SPATA7: variants seen among roughly 807,000 people sequenced by gnomAD.
SPATA7 encodes spermatogenesis-associated protein 7.
Under a neutral mutation model 51.8 loss-of-function variants are expected in SPATA7, and 43 were observed. The observed-to-expected ratio is 0.83, with a 90% CI of 0.65 to 1.07. SPATA7 has a LOEUF of 1.07. SPATA7 is among the 50% of genes least tolerant of loss of function. The pLI, the probability that SPATA7 is intolerant of heterozygous loss-of-function variation, is 0.00. For synonymous variants in SPATA7, 230 were observed against 252.8 expected (o/e 0.91, Z 0.86); for missense variants, 683 against 701.3 (o/e 0.97, Z 0.30).
intron 3 of SPATA7, among the ~76,000 whole-genome samples, chr14:88,394,810 T>C (rs1182576601): frequency 6.6e-6 from 1 of 152,180 alleles, no homozygotes. Context: ...ACAGTCCTTT[T>C]TTAACCATTC....
intron 4 of SPATA7, among the ~76,000 whole-genome samples, chr14:88,461,872 C>T (rs987521173): frequency 7.2e-5 from 11 of 152,164 alleles, no homozygotes; most frequent in African/African-American, 2.2e-4. Context: ...GTTTTTCTTA[C>T]ATTTTTTCCT....
intron 5 of SPATA7, among the ~76,000 whole-genome samples, chr14:88,423,357 G>A (rs1461332382): frequency 3.1e-5 from 4 of 128,578 alleles, no homozygotes; most frequent in Non-Finnish European, 6.2e-5. Context: ...GGACAACATG[G>A]CAAAACCCCA....
chr14:88,433,213 G>A lies in SPATA7; in HGVS notation c.1160+1G>A, dbSNP rs2076986530. On this transcript the variant is annotated splice_donor_variant, in intron 10 of 11. Coordinates refer to ENST00000393545, the MANE Select transcript of SPATA7 (RefSeq NM_018418.5). LOFTEE classifies it high-confidence loss of function. Reference sequence around the variant, plus strand: ...TGAAACTTGGTTTATTTTCAAACAGGTTAGTTTTTTTAATGGTGTTATGTT... The same window carrying A: ...TGAAACTTGGTTTATTTTCAAACAGATTAGTTTTTTTAATGGTGTTATGTT... 6.3e-7 allele frequency: 1 copy of A among 1,599,292 alleles called. No homozygotes were observed. The highest frequency in any genetic ancestry group is 1.3e-5 in the African/African-American group (1 of 74,722).
chr14:88,400,743 G>A (rs1390154858), intron 4 of SPATA7, among the ~76,000 whole-genome samples: 1 of 152,148 alleles, frequency 6.6e-6, no homozygotes, highest in East Asian at 1.9e-4. Context: ...GCTGAGGCAG[G>A]AGAATCACTT....
intron 10 of SPATA7, among the ~76,000 whole-genome samples, chr14:88,434,021 C>T (rs2077008813): frequency 6.6e-6 from 1 of 152,008 alleles, no homozygotes; most frequent in Admixed American, 6.6e-5. Flanking sequence ...TTTCAGGATA[C>T]ATAATGAAAA....
rs757184807 is a variant in SPATA7, at chr14:88,438,349, A to G, written c.1727A>G (p.Asn576Ser). The G allele has an allele frequency of 1.2e-5, 19 of 1,614,086 alleles. No individual in the cohort carries two copies. Among genetic ancestry groups the G allele is most frequent in the Non-Finnish European group, 1.6e-5 (19 of 1,179,976 alleles). Residue 576 changes from asparagine to serine, a missense_variant, in exon 12 of 12, where the codon AAT becomes AGT. Asn to Ser is a conservative substitution (Grantham distance 46). Transcript: ENST00000393545. ...SVQFSSVKGD[N>S]NHDMELSTLK... ...CAGTTCTCCAGTGTCAAAGGCGACA[A>G]TAATCATGACATGGAGTTATCAACT...
chr14:88,448,601 C>T (rs1403791264), intron 3 of SPATA7, among the ~76,000 whole-genome samples: 1 of 152,082 alleles, frequency 6.6e-6, no homozygotes, highest in African/African-American at 2.4e-5. Context: ...CTGTTTTTTC[C>T]CCATCTTTGT....
chr14:88,433,515 C>T (rs1042916875), intron 10 of SPATA7, among the ~76,000 whole-genome samples: 2 of 151,992 alleles, frequency 1.3e-5, no homozygotes, highest in African/African-American at 4.8e-5. Flanking sequence ...TTGCAAAGCT[C>T]CATAATCCCA....
At chr14:88,458,740 T>TA (rs1359511094), downstream of SPATA7, among the ~76,000 whole-genome samples, 1 of 152,192 alleles carries the variant, frequency 6.6e-6, no homozygotes, top group Non-Finnish European at 1.5e-5. Flanking sequence ...GCTCTGATCT[T>TA]AGTTATTTCT....
chr14:88,457,730 C>A (rs1313707596), downstream of SPATA7, among the ~76,000 whole-genome samples: 1 of 152,150 alleles, frequency 6.6e-6, no homozygotes, highest in Non-Finnish European at 1.5e-5. Flanking sequence ...CTTTCTCCTG[C>A]CTAATTGCCC....
In SPATA7 at chr14:88,469,861, T is replaced by G; in HGVS notation, c.270T>G (p.Asp90Glu). The G allele has an allele frequency of 6.2e-7, 1 of 1,610,230 alleles. No individual in the cohort carries two copies. The highest frequency in any genetic ancestry group is 8.5e-7 in the Non-Finnish European group (1 of 1,176,720). Reference sequence around the variant, plus strand: ...TTTCTCCACAGGTCAGGATTCCAGATGATTAACATTAACTGTTCTTCAGAG... The same window carrying G: ...TTTCTCCACAGGTCAGGATTCCAGAGGATTAACATTAACTGTTCTTCAGAG... Residue 90 changes from aspartate (D) to glutamate (E), a missense_variant, in exon 5 of 5, where the codon GAT becomes GAG. Coordinates refer to the SPATA7 transcript ENST00000556406. The surrounding 1 kb of genome is among the most constrained non-coding windows in gnomAD (Gnocchi z 4.3).
chr14:88,385,916 T>G, intron 1 of SPATA7, 79 bp downstream of exon 1: 1 of 1,501,930 alleles, frequency 6.7e-7, no homozygotes, highest in Middle Eastern at 1.9e-4. Context: ...TCCGGGCAGC[T>G]GAGTGCAAGG....
downstream of SPATA7, among the ~76,000 whole-genome samples, chr14:88,439,940 C>T (rs925992387): frequency 2.0e-5 from 3 of 152,160 alleles, 1 homozygote; most frequent in African/African-American, 7.2e-5. Flanking sequence ...TAAGCAACAC[C>T]GTCTATCCCC....
At chr14:88,460,114 C>T (rs757758318), downstream of SPATA7, among the ~76,000 whole-genome samples, 66 of 152,210 alleles carry the variant, frequency 4.3e-4, no homozygotes, top group Non-Finnish European at 7.6e-4. Flanking sequence ...GTGGGTAACC[C>T]GACCTTTCTC....
At chr14:88,396,327 G>T in intron 4 of SPATA7, 124 bp downstream of exon 4, 1 of 693,866 alleles carries the variant, frequency 1.4e-6, no homozygotes. Context: ...TTAATATTGT[G>T]GTACAATGAT....
In SPATA7 at chr14:88,416,135, T is replaced by G. The variant is rs1386018764; in HGVS notation, c.239-576T>G. The G allele has an allele frequency of 2.0e-5, 3 of 152,620 alleles. No homozygotes were observed. The South Asian group carries it at 6.2e-4, about 32-fold the overall frequency. 9.5% of individuals were successfully genotyped at this position (152,620 alleles called of 1,614,324 possible). ...CTGCAGAATCATGAGCCAATTAAAC[T>G]TCTTACCTTATAAATTACCCAGTCT... On this transcript the variant is annotated intron_variant, in intron 4 of 11. Transcript: ENST00000393545.
chr14:88,426,505 G>A lies in SPATA7; in HGVS notation c.646G>A (p.Val216Ile), dbSNP rs747210887. Residue 216 changes from valine (V) to isoleucine (I), a missense_variant, in exon 6 of 12, where the codon GTC (valine) becomes ATC (isoleucine). By Grantham distance (29) the Val-to-Ile change is conservative. Coordinates refer to ENST00000393545, the MANE Select transcript of SPATA7 (RefSeq NM_018418.5). ...TFPNSHRFQL[V>I]ISKAPSGDLL... ...CCCAAATTCCCACCGGTTTCAGTTA[G>A]TCATTTCGAAAGCACCCAGTGGGGA... 5.5e-5 allele frequency: 89 copies of A among 1,614,098 alleles called. No individual in the cohort carries two copies. The highest frequency in any genetic ancestry group is 7.2e-5 in the Non-Finnish European group (85 of 1,180,044).
downstream of SPATA7, among the ~76,000 whole-genome samples, chr14:88,441,462 C>T (rs2077178450): frequency 6.6e-6 from 1 of 152,208 alleles, no homozygotes; most frequent in Non-Finnish European, 1.5e-5. Context: ...TACATTCCCA[C>T]TAACAGTGTA....
At chr14:88,401,860 A>T (rs934837641) in intron 4 of SPATA7, among the ~76,000 whole-genome samples, 1 of 150,846 alleles carries the variant, frequency 6.6e-6, no homozygotes, top group Non-Finnish European at 1.5e-5. Flanking sequence ...AAAAAAAAAA[A>T]AAGTAAGGTT....
Sources: allele counts gnomAD v4.1 joint callset (sites outside exome capture counted in the v4.1 genomes callset), GRCh38; gene constraint gnomAD v4.1.1; non-coding constraint Gnocchi (gnomAD v3.1); transcripts MANE v1.5; gene names NCBI Gene and HGNC (gene_info 2026-07-23, HGNC 2026-07-21).